SNTG1: variants seen among roughly 807,000 people sequenced by gnomAD.
The protein encoded by SNTG1 is gamma-1-syntrophin.
In SNTG1, 39 loss-of-function variants were observed where a neutral mutation model predicts 74.7. That is an observed-to-expected ratio of 0.52 (90% CI 0.40 to 0.68). SNTG1 has a LOEUF of 0.68. Among genes scored for constraint, SNTG1 ranks in the 30% least tolerant of loss-of-function variants. SNTG1 has a pLI of 0.00. For synonymous variants in SNTG1, 254 were observed against 217.1 expected (o/e 1.17, Z -1.49); for missense variants, 685 against 609.5 (o/e 1.12, Z -1.30).
chr8:50,032,882 G>C (rs753914319), intron 1 of SNTG1, among the ~76,000 whole-genome samples: 11 of 152,010 alleles, frequency 7.2e-5, no homozygotes, highest in Non-Finnish European at 1.3e-4. Flanking sequence ...TTTTATCCTG[G>C]TTTCTAAACT....
rs74342640 is a variant in SNTG1, at chr8:50,623,027, A to T, written c.849+32110A>T. On this transcript the variant is annotated intron_variant, in intron 13 of 18. Coordinates refer to ENST00000642720, the MANE Select transcript of SNTG1 (RefSeq NM_018967.5). ...TTATGTATTGATTTTGTATCCTGAAACTTCACTGAATTTGTTAGTCTAACA... is the reference window on the plus strand; with the variant it reads ...TTATGTATTGATTTTGTATCCTGAATCTTCACTGAATTTGTTAGTCTAACA... Among the ~76,000 whole-genome samples, 196 of 152,130 alleles carry T rather than the reference A, an allele frequency of 1.3e-3. 4 individuals carry two copies. The East Asian group carries it at 0.036, about 28-fold the overall frequency.
At chr8:50,207,510 A>C (rs1389786323) in intron 2 of SNTG1, among the ~76,000 whole-genome samples, 2 of 152,142 alleles carry the variant, frequency 1.3e-5, no homozygotes, top group Non-Finnish European at 2.9e-5. Flanking sequence ...TCTCTTCAAA[A>C]AACTAGCTCC....
intron 1 of SNTG1, among the ~76,000 whole-genome samples, chr8:50,104,277 G>T (rs2080274649): frequency 6.6e-6 from 1 of 152,050 alleles, no homozygotes; most frequent in African/African-American, 2.4e-5. Flanking sequence ...ACTTCTTCCT[G>T]GTTTAGTCTT....
intron 2 of SNTG1, among the ~76,000 whole-genome samples, chr8:50,309,801 A>G (rs2090037552): frequency 6.6e-6 from 1 of 152,214 alleles, no homozygotes; most frequent in African/African-American, 2.4e-5. Flanking sequence ...AGACCTTAGA[A>G]GCTAAGAATT....
chr8:50,200,569 G>T (rs762426331), intron 2 of SNTG1, among the ~76,000 whole-genome samples: 2 of 150,080 alleles, frequency 1.3e-5, no homozygotes, highest in South Asian at 4.2e-4. Context: ...CCATCCAGGC[G>T]CTTACTGAAC....
At chr8:50,209,544 G>A (rs967142493) in intron 2 of SNTG1, among the ~76,000 whole-genome samples, 1 of 152,154 alleles carries the variant, frequency 6.6e-6, no homozygotes, top group Admixed American at 6.5e-5. Flanking sequence ...GAATCAGGCA[G>A]CAACATTTGC....
At chr8:50,131,065 GAGCATGAAAAACAC>G (rs1370601020) in intron 1 of SNTG1, among the ~76,000 whole-genome samples, 1 of 145,872 alleles carries the variant, frequency 6.9e-6, no homozygotes, top group East Asian at 2.0e-4. Context: ...TTCAAAAAGA[GAGCATGAAAAACAC>G]AGAGAAAAAG....
intron 12 of SNTG1, among the ~76,000 whole-genome samples, chr8:50,554,299 G>A (rs574877459): frequency 9.2e-5 from 14 of 152,116 alleles, no homozygotes; most frequent in Admixed American, 6.6e-4. Flanking sequence ...ATATGTGCAT[G>A]GTCAATTTTA....
intron 11 of SNTG1, among the ~76,000 whole-genome samples, chr8:50,552,227 A>G (rs796908844): frequency 2.0e-5 from 3 of 152,302 alleles, no homozygotes; most frequent in African/African-American, 7.2e-5. Flanking sequence ...GATTTTATCT[A>G]TTCCTGTCCA....
At chr8:50,567,591 G>A (rs2094523249) in intron 12 of SNTG1, among the ~76,000 whole-genome samples, 1 of 151,816 alleles carries the variant, frequency 6.6e-6, no homozygotes, top group African/African-American at 2.4e-5. Flanking sequence ...GTAAACTGTT[G>A]TTTTTCCCCA....
At chr8:50,242,157 G>C (rs1226705518) in intron 2 of SNTG1, among the ~76,000 whole-genome samples, 1 of 151,530 alleles carries the variant, frequency 6.6e-6, no homozygotes, top group Non-Finnish European at 1.5e-5. Flanking sequence ...GTGTATATAT[G>C]TATATTAATA....
intron 1 of SNTG1, among the ~76,000 whole-genome samples, chr8:50,060,201 G>C (rs907520942): frequency 7.2e-5 from 11 of 151,890 alleles, no homozygotes; most frequent in Non-Finnish European, 1.2e-4. Context: ...AAATTGGGTC[G>C]TTTGTCTGCT....
At chr8:50,051,083 C>A (rs1367131829) in intron 1 of SNTG1, among the ~76,000 whole-genome samples, 2 of 151,882 alleles carry the variant, frequency 1.3e-5, no homozygotes, top group Non-Finnish European at 2.9e-5. Context: ...AGACTGGGAA[C>A]AAGACAAGGA....
chr8:50,702,913 A>G (rs1217744096), intron 15 of SNTG1, among the ~76,000 whole-genome samples: 1 of 152,204 alleles, frequency 6.6e-6, no homozygotes, highest in Non-Finnish European at 1.5e-5. Flanking sequence ...AAAGTAAAGT[A>G]AAAGTACAGT....
At chr8:50,373,989 A>G (rs1469012247) in intron 2 of SNTG1, among the ~76,000 whole-genome samples, 2 of 152,180 alleles carry the variant, frequency 1.3e-5, no homozygotes, top group African/African-American at 4.8e-5. Context: ...GATGTAGCCT[A>G]CACAATTTTT....
intron 5 of SNTG1, among the ~76,000 whole-genome samples, chr8:50,449,453 A>G (rs1563402258): frequency 6.6e-6 from 1 of 152,252 alleles, no homozygotes; most frequent in Non-Finnish European, 1.5e-5. Context: ...GAAAACTTTC[A>G]AAGCCAATTG....
chr8:50,717,910 T>C (rs2095478738), intron 17 of SNTG1, among the ~76,000 whole-genome samples: 1 of 152,176 alleles, frequency 6.6e-6, no homozygotes, highest in Non-Finnish European at 1.5e-5. Context: ...GCTACCATCC[T>C]CAAGATGTCG....
intron 8 of SNTG1, among the ~76,000 whole-genome samples, chr8:50,467,468 G>A (rs1476220101): frequency 6.6e-6 from 1 of 151,566 alleles, no homozygotes; most frequent in Non-Finnish European, 1.5e-5. Flanking sequence ...GGTATCCATG[G>A]GATCAATAAG....
At chr8:50,475,754 T>C (rs143714185) in intron 8 of SNTG1, among the ~76,000 whole-genome samples, 93 of 152,262 alleles carry the variant, frequency 6.1e-4, no homozygotes, top group African/African-American at 2.0e-3. Context: ...TTTTAGAAGT[T>C]TGGAAAATCC....
Sources: gnomAD v4.1 joint callset for allele counts (sites outside exome capture counted in the v4.1 genomes callset) on GRCh38, gnomAD v4.1.1 for gene constraint, MANE v1.5 for transcripts, NCBI Gene and HGNC (gene_info 2026-07-23, HGNC 2026-07-21) for gene names.